Variants in TMTC1 observed in about 807,000 individuals in gnomAD.
TMTC1 encodes the protein transmembrane O-mannosyltransferase targeting cadherins 1.
Under a neutral mutation model 104.8 loss-of-function variants are expected in TMTC1, and 73 were observed. The ratio of observed to expected loss-of-function variants is 0.70; its 90% CI spans 0.58 to 0.85. The LOEUF (loss-of-function observed/expected upper bound fraction) is 0.85. Among genes scored for constraint, TMTC1 ranks in the 40% least tolerant of loss-of-function variants. The pLI, the probability that TMTC1 is intolerant of heterozygous loss-of-function variation, is 0.00. For synonymous variants in TMTC1, 434 were observed against 428.7 expected (o/e 1.01, Z -0.15); for missense variants, 1,035 against 1,096.1 (o/e 0.94, Z 0.79).
chr12:29,635,466 C>A (rs749444994), intron 5 of TMTC1, among the ~76,000 whole-genome samples: 6 of 152,154 alleles, frequency 3.9e-5, no homozygotes, highest in Non-Finnish European at 7.3e-5. Flanking sequence ...ACTATTATTG[C>A]CTTTTTGAGG....
chr12:29,586,631 GTT>G (rs1237537553), intron 7 of TMTC1, among the ~76,000 whole-genome samples: 1 of 151,794 alleles, frequency 6.6e-6, no homozygotes, highest in Non-Finnish European at 1.5e-5. Context: ...TTTATTGAGA[GTT>G]TTTAGCATGA....
chr12:29,517,420 T>C lies in TMTC1; in HGVS notation c.2169+7A>G. ...TTGCCAGCTTCATTTTCTTTCATCC[T>C]ACTCACCAGTGCCAAGCGGAGCTCC... is the stretch of plus-strand genomic sequence containing the variant. On this transcript the variant is annotated splice_region_variant and intron_variant, in intron 14 of 17. Transcript: ENST00000539277. 7 of 1,614,008 alleles carry C rather than the reference T, an allele frequency of 4.3e-6. No individual in the cohort carries two copies. The highest frequency in any genetic ancestry group is 5.9e-6 in the Non-Finnish European group (7 of 1,179,960).
intron 5 of TMTC1, among the ~76,000 whole-genome samples, chr12:29,671,332 A>AAAT (rs1336586774): frequency 2.0e-4 from 27 of 133,808 alleles, no homozygotes; most frequent in South Asian, 5.0e-4. Context: ...ATAAATAAAT[A>AAAT]AAAGAAATAA....
At chr12:29,686,488 C>A (rs1009785581) in intron 5 of TMTC1, among the ~76,000 whole-genome samples, 1 of 152,062 alleles carries the variant, frequency 6.6e-6, no homozygotes, top group African/African-American at 2.4e-5. Flanking sequence ...TATACATACT[C>A]CCTCTGTGGC....
intron 5 of TMTC1, among the ~76,000 whole-genome samples, chr12:29,695,597 G>A (rs1412226565): frequency 2.0e-5 from 3 of 151,122 alleles, no homozygotes; most frequent in Non-Finnish European, 3.0e-5. Context: ...GAGCCACCGC[G>A]CCAGGCCACA....
chr12:29,545,899 G>A (rs1481391412), intron 10 of TMTC1, among the ~76,000 whole-genome samples: 3 of 152,056 alleles, frequency 2.0e-5, no homozygotes, highest in Admixed American at 6.5e-5. Context: ...GGACTTACAC[G>A]CATTATTGTA....
At position 29,617,614 on chromosome 12, in the gene TMTC1, C is replaced by T. The variant is rs149953758; in HGVS notation, c.1129-13315G>A. ...GAGAGGAAAAGAGAGAAAGAGACCA[C>T]GAGAAAGTGAGTCAGTGAGGCTGGT... On this transcript the variant is annotated intron_variant, in intron 6 of 17. Transcript: ENST00000539277. Among the ~76,000 whole-genome samples the T allele has an allele frequency of 2.0e-3, 303 of 150,624 alleles. 1 individual carries two copies. The highest frequency in any genetic ancestry group is 6.2e-3 in the African/African-American group (254 of 40,972).
chr12:29,594,897 C>T (rs924972102), intron 7 of TMTC1, among the ~76,000 whole-genome samples: 1 of 152,050 alleles, frequency 6.6e-6, no homozygotes, highest in African/African-American at 2.4e-5. Flanking sequence ...TTAGAAACGA[C>T]ATGAAGAGGT....
chr12:29,517,988 T>C (rs773923604), intron 13 of TMTC1, among the ~76,000 whole-genome samples: 10 of 152,166 alleles, frequency 6.6e-5, no homozygotes, highest in Admixed American at 2.0e-4. Flanking sequence ...GTGCTGGGAT[T>C]ACAGGCATGA....
At chr12:29,582,277 T>TA (rs1437003151) in intron 8 of TMTC1, among the ~76,000 whole-genome samples, 1 of 152,186 alleles carries the variant, frequency 6.6e-6, no homozygotes, top group African/African-American at 2.4e-5. Context: ...TCCCCCTTCT[T>TA]ACAGTGCTTG....
chr12:29,590,109 G>A (rs746866513), intron 7 of TMTC1, among the ~76,000 whole-genome samples: 3 of 151,800 alleles, frequency 2.0e-5, no homozygotes, highest in Non-Finnish European at 2.9e-5. Flanking sequence ...GTAAACAAAT[G>A]AGCATGGCTG....
chr12:29,519,238 TA>T (rs958928531), intron 12 of TMTC1: 8 of 147,158 alleles, frequency 5.4e-5, no homozygotes, highest in East Asian at 2.0e-4. Flanking sequence ...TTTTTGCAGG[TA>T]TTTTTTTATA....
chr12:29,748,083 T>G (rs555493693), intron 5 of TMTC1, among the ~76,000 whole-genome samples: 1 of 152,234 alleles, frequency 6.6e-6, no homozygotes, highest in Non-Finnish European at 1.5e-5. Context: ...GTTTTTTGTT[T>G]TTTGTTTTCC....
rs576485765 is a variant in TMTC1 at position 29,633,061 on chromosome 12, C to T, written c.1128+86G>A. ...CAAGGAGAGGAGATTCAATTTACAC[C>T]CAGACCATCCGCACTAAAAAGAACA... On this transcript the variant is annotated intron_variant, in intron 6 of 17. Transcript: ENST00000539277. 2.4e-4 allele frequency: 308 copies of T among 1,278,876 alleles called. 5 individuals carry two copies. In the South Asian group the frequency reaches 4.8e-3, roughly 20 times the overall value. The allele number at this position is 1,278,876 out of a possible 1,614,324, so 79.2% of individuals were successfully genotyped here. A position where few individuals can be genotyped will look rare whatever the true frequency, so the allele number is the denominator to read the frequency against.
At chr12:29,755,596 G>C (rs919168543) in intron 4 of TMTC1, 113 bp downstream of exon 4, 6 of 876,752 alleles carry the variant, frequency 6.8e-6, no homozygotes, top group Admixed American at 2.8e-5. Flanking sequence ...AGTCTAAGGT[G>C]AGATGACATT....
intron 11 of TMTC1, among the ~76,000 whole-genome samples, chr12:29,529,503 C>T (rs1165129688): frequency 3.3e-5 from 5 of 152,074 alleles, no homozygotes; most frequent in African/African-American, 9.7e-5. Context: ...AATAGTAATA[C>T]ATTGTAATAT....
At chr12:29,611,887 T>A (rs1351586638) in intron 6 of TMTC1, among the ~76,000 whole-genome samples, 4 of 152,142 alleles carry the variant, frequency 2.6e-5, no homozygotes, top group Non-Finnish European at 5.9e-5. Context: ...TTCAAGCACA[T>A]ACCATATGCC....
chr12:29,609,066 T>C (rs1473769016), intron 6 of TMTC1, among the ~76,000 whole-genome samples: 1 of 152,206 alleles, frequency 6.6e-6, no homozygotes, highest in Non-Finnish European at 1.5e-5. Context: ...GGCTGTTCCC[T>C]TCCAGAGAGG....
intron 1 of TMTC1, among the ~76,000 whole-genome samples, chr12:29,778,774 C>G (rs1355977238): frequency 1.3e-5 from 2 of 152,184 alleles, no homozygotes; most frequent in Admixed American, 6.5e-5. Flanking sequence ...CCAGAGCCAC[C>G]ATGAGTGATT....
Sources: gnomAD v4.1 joint callset for allele counts (sites outside exome capture counted in the v4.1 genomes callset) on GRCh38, gnomAD v4.1.1 for gene constraint, MANE v1.5 for transcripts, NCBI Gene and HGNC (gene_info 2026-07-23, HGNC 2026-07-21) for gene names.